The following PTPRF variants were observed in gnomAD, a reference collection of about 807,000 sequenced individuals.
PTPRF encodes protein tyrosine phosphatase receptor type F.
In PTPRF, 59 loss-of-function variants were observed where a neutral mutation model predicts 201.8. The observed-to-expected ratio is 0.29, with a 90% CI of 0.24 to 0.36. The LOEUF is 0.36. Ranked by LOEUF, PTPRF falls within the 10% of genes least tolerant of loss-of-function variation. The probability of loss-of-function intolerance (pLI) is 1.00; values close to 1 mark genes in which losing one functional copy is unlikely to be tolerated. For synonymous variants in PTPRF, 1,088 were observed against 1,089.7 expected (o/e 1.00, Z 0.03); for missense variants, 2,132 against 2,690.5 (o/e 0.79, Z 4.59).
At chr1:43,576,313 T>C (rs938337430) in intron 6 of PTPRF, among the ~76,000 whole-genome samples, 14 of 152,078 alleles carry the variant, frequency 9.2e-5, no homozygotes, top group Admixed American at 9.2e-4. Context: ...AGCCTTGCCT[T>C]TTCTCTTGAC....
chr1:43,611,850 G>T (rs1248635952), intron 22 of PTPRF, among the ~76,000 whole-genome samples: 1 of 152,138 alleles, frequency 6.6e-6, no homozygotes. Context: ...GGGGGTAGGG[G>T]TGTCCTGGGG....
chr1:43,580,886 G>T (rs893290902), intron 7 of PTPRF, among the ~76,000 whole-genome samples: 6 of 152,380 alleles, frequency 3.9e-5, no homozygotes, highest in African/African-American at 1.4e-4. Context: ...AGCTGCAAGG[G>T]CGTGGCCTAT....
Position 43,591,180 on chromosome 1 carries a change from C to T in PTPRF, c.1158C>T (p.Ala386=), listed in dbSNP as rs754258957. 4 of 1,611,588 alleles carry T rather than the reference C, an allele frequency of 2.5e-6. No homozygotes were observed. The highest frequency in any genetic ancestry group is 2.7e-5 in the African/African-American group (2 of 74,944). ...IGGLSPFSEY[A]FRVLAVNSIG... ...GCCTCAGCCCTTTCTCGGAATATGC[C>T]TTCCGCGTGCTGGCGGTGAACAGCA... Residue 386 remains alanine (A), a synonymous_variant, in exon 9 of 34, where the codon GCC becomes GCT. Transcript: ENST00000359947.
chr1:43,591,832 T>C lies in PTPRF; in HGVS notation c.1552T>C (p.Phe518Leu), dbSNP rs369772044. The change falls in exon 10 of 34, where the codon TTC becomes CTC. Residue 518 changes from phenylalanine to leucine, a missense_variant. This residue lies in a region of PTPRF where 351 missense variants were observed against 401.7 expected (regional missense o/e 0.87). Coordinates refer to ENST00000359947, the MANE Select transcript of PTPRF (RefSeq NM_002840.5). ...TGCAGTGCCTGCCCAGCCCGCGGACTTCCAGGCCGAGGTGGAGTCGGACAC... is the reference window on the plus strand; with the variant it reads ...TGCAGTGCCTGCCCAGCCCGCGGACCTCCAGGCCGAGGTGGAGTCGGACAC... Reference protein sequence around the residue: ...QQGVPAQPADFQAEVESDTRI... With the variant: ...QQGVPAQPADLQAEVESDTRI... The C allele has an allele frequency of 1.2e-6, 2 of 1,613,254 alleles. No homozygotes were observed. The highest frequency in any genetic ancestry group is 1.1e-5 in the South Asian group (1 of 91,070).
Position 43,546,715 on chromosome 1 carries a change from C to T in PTPRF, c.91+1549C>T, listed in dbSNP as rs533453625. On this transcript the variant is annotated intron_variant, in intron 3 of 33. Coordinates refer to ENST00000359947, the MANE Select transcript of PTPRF (RefSeq NM_002840.5). This position sits in a 1 kb window ranked among gnomAD's most constrained non-coding sequence, Gnocchi z 4.2. The stretch of plus-strand genomic sequence containing the variant: ...CTGCCTCAGACCCAACGCGCCCCAA[C>T]CTGTACCCCTCACTCTCATCCCCCA... Among the ~76,000 whole-genome samples, 18 of 152,210 alleles carry T rather than the reference C, an allele frequency of 1.2e-4. No homozygotes were observed. Among genetic ancestry groups the T allele is most frequent in the African/African-American group, 4.1e-4 (17 of 41,510 alleles).
At chr1:43,531,454 T>G (rs1643497301) in intron 1 of PTPRF, among the ~76,000 whole-genome samples, 1 of 118,402 alleles carries the variant, frequency 8.4e-6, no homozygotes, top group African/African-American at 3.2e-5. Context: ...CCCTCATCGG[T>G]CCCGCCTCGT....
intron 22 of PTPRF, chr1:43,612,730 T>G: frequency 7.4e-7 from 1 of 1,355,718 alleles, no homozygotes; most frequent in Non-Finnish European, 9.8e-7. Context: ...CTTGCCCCGT[T>G]GTTTTTTTCG....
At chr1:43,606,610 G>T in intron 20 of PTPRF, 152 bp downstream of exon 20, 1 of 1,101,184 alleles carries the variant, frequency 9.1e-7, no homozygotes, top group East Asian at 2.4e-5. Flanking sequence ...ATCTGTCCCG[G>T]GGATCCTAAG....
At position 43,606,475 on chromosome 1, in the gene PTPRF, T is replaced by G; in HGVS notation, c.3702+17T>G. The G allele has an allele frequency of 6.2e-7, 1 of 1,602,666 alleles. No individual in the cohort carries two copies. Among genetic ancestry groups the G allele is most frequent in the Non-Finnish European group, 8.5e-7 (1 of 1,172,860 alleles). ...ATGGACCAGGTCTGCCTGAGCCGGC[T>G]TGGCTGTCAGCACCCTGATTCCCTG... On this transcript the variant is annotated intron_variant, in intron 20 of 33. Coordinates refer to ENST00000359947, the MANE Select transcript of PTPRF (RefSeq NM_002840.5).
At chr1:43,607,636 AAAGCCCACCCTCTT>A (rs1450684704) in intron 21 of PTPRF, among the ~76,000 whole-genome samples, 2 of 152,240 alleles carry the variant, frequency 1.3e-5, no homozygotes, top group Non-Finnish European at 2.9e-5. Context: ...CTGCCCACGT[AAAGCCCACCCTCTT>A]TAGCCTGACA....
In PTPRF at chr1:43,591,417, C is replaced by A; in HGVS notation, c.1395C>A (p.His465Gln). 1 of 1,579,152 alleles carries A rather than the reference C, an allele frequency of 6.3e-7. No homozygotes were observed. The highest frequency in any genetic ancestry group is 8.6e-7 in the Non-Finnish European group (1 of 1,164,188). Residue 465 changes from histidine (H) to glutamine (Q), a missense_variant, in exon 9 of 34, where the codon CAC becomes CAA. Transcript: ENST00000359947. ...GCCCCCCGAACGCCTGGCACAAGCA[C>A]AACACCGACGCGGGGCTCCTCACGA... ...SRRPPNAWHK[H>Q]NTDAGLLTTV...
chr1:43,618,569 C>G, intron 25 of PTPRF, 61 bp from the exon 26 acceptor site: 2 of 1,559,478 alleles, frequency 1.3e-6, no homozygotes, highest in Non-Finnish European at 1.8e-6. Context: ...AGCCTCCACC[C>G]TGCTTCTGCC....
chr1:43,604,267 T>C, intron 16 of PTPRF, 78 bp downstream of exon 16: 1 of 1,446,106 alleles, frequency 6.9e-7, no homozygotes, highest in Non-Finnish European at 9.4e-7. Context: ...GCCACTGACC[T>C]CTGGCGACTG....
At chr1:43,533,684 C>T (rs761418025) in intron 1 of PTPRF, among the ~76,000 whole-genome samples, 2 of 152,180 alleles carry the variant, frequency 1.3e-5, no homozygotes, top group Non-Finnish European at 2.9e-5. Context: ...AACTGTGTGG[C>T]AGTGCATCGT....
chr1:43,577,477 C>T (rs1042380696), intron 6 of PTPRF, among the ~76,000 whole-genome samples: 16 of 152,224 alleles, frequency 1.1e-4, no homozygotes, highest in African/African-American at 3.9e-4. Context: ...CCTCCAGCTG[C>T]CAGCCCCCTG....
intron 6 of PTPRF, among the ~76,000 whole-genome samples, chr1:43,573,372 G>T (rs1464795676): frequency 1.3e-5 from 2 of 152,234 alleles, no homozygotes; most frequent in Non-Finnish European, 2.9e-5. Context: ...GTAGAGGACA[G>T]CCTAACTCAC....
At chr1:43,551,477 T>G (rs1013034398) in intron 3 of PTPRF, among the ~76,000 whole-genome samples, 17 of 152,114 alleles carry the variant, frequency 1.1e-4, no homozygotes, top group African/African-American at 4.1e-4. Flanking sequence ...CTGTGGTGTC[T>G]TCTTGTCTTT....
At position 43,606,371 on chromosome 1, in the gene PTPRF, C is replaced by G; in HGVS notation, c.3615C>G (p.Asn1205Lys). The G allele has an allele frequency of 6.2e-7, 1 of 1,614,210 alleles. No homozygotes were observed. The highest frequency in any genetic ancestry group is 8.5e-7 in the Non-Finnish European group (1 of 1,180,012). The stretch of plus-strand genomic sequence containing the variant: ...CCTTTACCTTGGGGGACAAGAAGAA[C>G]TACCGGGGCTTCTACAACCGGCCCC... ...PETFTLGDKK[N>K]YRGFYNRPLS... The change falls in exon 20 of 34, where the codon AAC (asparagine) becomes AAG (lysine). Residue 1205 changes from asparagine (N) to lysine (K), a missense_variant. Coordinates refer to ENST00000359947, the MANE Select transcript of PTPRF (RefSeq NM_002840.5).
intron 3 of PTPRF, among the ~76,000 whole-genome samples, chr1:43,551,505 C>T (rs899201021): frequency 6.6e-6 from 1 of 152,092 alleles, no homozygotes; most frequent in Non-Finnish European, 1.5e-5. Flanking sequence ...CTACAGCCTC[C>T]CTGAGCTGGC....
Sources: allele counts gnomAD v4.1 joint callset (sites outside exome capture counted in the v4.1 genomes callset), GRCh38; gene constraint gnomAD v4.1.1; regional missense constraint gnomAD v4.1.1; non-coding constraint Gnocchi (gnomAD v3.1); transcripts MANE v1.5; gene names NCBI Gene and HGNC (gene_info 2026-07-23, HGNC 2026-07-21).